Variants in SCOC observed in about 807,000 individuals in gnomAD.
The protein encoded by SCOC is short coiled-coil protein.
SCOC carries 7 observed loss-of-function variants against 9.9 expected under a neutral mutation model. The ratio of observed to expected loss-of-function variants is 0.71; its 90% CI spans 0.40 to 1.33. The LOEUF is 1.33. Ranked by LOEUF, SCOC falls within the 40% of genes most tolerant of loss-of-function variation. The probability of loss-of-function intolerance (pLI) is 0.01; values close to 1 mark genes in which losing one functional copy is unlikely to be tolerated. For missense variants in SCOC, 66 were observed against 89.7 expected, an observed-to-expected ratio of 0.74 and a Z score of 1.07; for synonymous variants, 19 against 28.2, an observed-to-expected ratio of 0.67 and a Z score of 1.03.
intron 1 of SCOC, among the ~76,000 whole-genome samples, chr4:140,375,918 C>T (rs543413697): frequency 5.3e-5 from 8 of 152,286 alleles, no homozygotes; most frequent in Non-Finnish European, 1.0e-4. Flanking sequence ...GCCCCAAATT[C>T]ATTTCAGTGT....
chr4:140,374,184 G>A (rs1728219928), intron 1 of SCOC: 1 of 457,776 alleles, frequency 2.2e-6, no homozygotes, highest in Non-Finnish European at 4.4e-6. Context: ...GTAAAATAAG[G>A]ATTGGACCAT....
chr4:140,325,618 A>G (rs1031392602), intron 1 of SCOC, among the ~76,000 whole-genome samples: 2 of 152,170 alleles, frequency 1.3e-5, no homozygotes, highest in Non-Finnish European at 2.9e-5. Flanking sequence ...AAAAATGTAA[A>G]TGAAAACCAT....
At chr4:140,265,394 G>C (rs1438191517) in intron 1 of SCOC, among the ~76,000 whole-genome samples, 1 of 152,128 alleles carries the variant, frequency 6.6e-6, no homozygotes. Context: ...TGTATCTTCT[G>C]TTAAAAGAAA....
In SCOC at chr4:140,278,401, G is replaced by A. The variant is rs141066400; in HGVS notation, c.-19+20991G>A. Among the ~76,000 whole-genome samples, 184 of 152,046 alleles carry A rather than the reference G, an allele frequency of 1.2e-3. 1 individual carries two copies. The East Asian group carries it at 0.026, about 22-fold the overall frequency. On this transcript the variant is annotated intron_variant, in intron 1 of 4. Coordinates refer to the SCOC transcript ENST00000394205. ...TGCGAGCTCGGCCTCCTGGGTTCAC[G>A]CCATTCTCCTGCCTCAGCCTCCTGA...
chr4:140,307,154 G>A (rs532692898), intron 1 of SCOC, among the ~76,000 whole-genome samples: 1 of 152,288 alleles, frequency 6.6e-6, no homozygotes, highest in African/African-American at 2.4e-5. Flanking sequence ...ATCTGCTGGT[G>A]TCTTGATCTT....
At chr4:140,313,878 A>C (rs1214958273) in intron 1 of SCOC, among the ~76,000 whole-genome samples, 2 of 152,172 alleles carry the variant, frequency 1.3e-5, no homozygotes, top group African/African-American at 2.4e-5. Flanking sequence ...CTGTAATCCC[A>C]GCACTTTGGG....
intron 1 of SCOC, among the ~76,000 whole-genome samples, chr4:140,283,084 A>G (rs990440655): frequency 6.6e-6 from 1 of 152,246 alleles, no homozygotes; most frequent in Non-Finnish European, 1.5e-5. Context: ...CATTCAAGAA[A>G]CAGGTTTATA....
chr4:140,315,667 GAACCAGGGT>G (rs1432555311), intron 1 of SCOC, among the ~76,000 whole-genome samples: 8 of 152,172 alleles, frequency 5.3e-5, no homozygotes, highest in Non-Finnish European at 8.8e-5. Context: ...CTGTCTAGTG[GAACCAGGGT>G]ATGTGTTCTG....
At chr4:140,350,116 C>G (rs1203373685) in intron 2 of SCOC, among the ~76,000 whole-genome samples, 1 of 152,180 alleles carries the variant, frequency 6.6e-6, no homozygotes. Flanking sequence ...TTCTTTTTGT[C>G]TGGTCAATTC....
intron 1 of SCOC, among the ~76,000 whole-genome samples, chr4:140,300,417 T>A (rs978246292): frequency 2.6e-5 from 4 of 152,150 alleles, no homozygotes; most frequent in Admixed American, 2.6e-4. Flanking sequence ...GCAATAGCAG[T>A]CACAGCTAGG....
At chr4:140,342,303 C>T (rs1241475737), upstream of SCOC, among the ~76,000 whole-genome samples, 1 of 152,154 alleles carries the variant, frequency 6.6e-6, no homozygotes, top group African/African-American at 2.4e-5. Context: ...TCAAATGTCC[C>T]CTTCTCTAAG....
upstream of SCOC, chr4:140,373,396 T>G: frequency 6.8e-7 from 1 of 1,472,896 alleles, no homozygotes; most frequent in Non-Finnish European, 9.0e-7. Flanking sequence ...TAGCTTCGCT[T>G]CTTTACTGTC....
rs1366325698 is a variant in SCOC, at chr4:140,382,679, GAAT to G, written c.*1580_*1582del. 1 of 152,428 alleles carries G rather than the reference GAAT, an allele frequency of 6.6e-6. No individual in the cohort carries two copies. The highest frequency in any genetic ancestry group is 1.5e-5 in the Non-Finnish European group (1 of 67,996). The allele number at this position is 152,428 out of a possible 1,614,324, so 9.4% of individuals were successfully genotyped here. On this transcript the variant is annotated 3_prime_UTR_variant, in exon 4 of 4. Coordinates refer to ENST00000608372, the MANE Select transcript of SCOC (RefSeq NM_001153484.2). ...GTACCCAGTTACTGATTATTTAGGG[GAAT>G]AATATTTTTATTAATACAACTATAA...
chr4:140,331,896 G>T (rs866381433), intron 1 of SCOC, among the ~76,000 whole-genome samples: 23 of 152,290 alleles, frequency 1.5e-4, no homozygotes, highest in Middle Eastern at 6.8e-3. Flanking sequence ...TTGGCCCACA[G>T]TTTCTCAGGT....
intron 3 of SCOC, 118 bp from the exon 4 acceptor site, chr4:140,380,844 C>A: frequency 3.9e-6 from 3 of 766,040 alleles, no homozygotes; most frequent in Non-Finnish European, 3.8e-6. Flanking sequence ...CTCTAAAATC[C>A]GAATTCTTAA....
intron 1 of SCOC, among the ~76,000 whole-genome samples, chr4:140,289,248 C>T (rs1057490791): frequency 4.6e-5 from 7 of 152,228 alleles, no homozygotes; most frequent in Non-Finnish European, 7.3e-5. Flanking sequence ...ACTTTTCCCA[C>T]TGGGACACAA....
chr4:140,346,650 C>T (rs780998541), intron 2 of SCOC, among the ~76,000 whole-genome samples: 1 of 152,150 alleles, frequency 6.6e-6, no homozygotes, highest in African/African-American at 2.4e-5. Context: ...GCAGTGAGAA[C>T]GGGCAATGCC....
intron 1 of SCOC, among the ~76,000 whole-genome samples, chr4:140,310,357 G>A (rs1271936001): frequency 6.6e-6 from 1 of 152,194 alleles, no homozygotes; most frequent in Non-Finnish European, 1.5e-5. Context: ...CTCCTGGATA[G>A]CACTCTTCTT....
At chr4:140,373,455 T>C, upstream of SCOC, 2 of 1,544,462 alleles carry the variant, frequency 1.3e-6, no homozygotes, top group Non-Finnish European at 1.7e-6. Context: ...TCAATCCTGA[T>C]TGGATGTCAG....
Sources: gnomAD v4.1 joint callset for allele counts (sites outside exome capture counted in the v4.1 genomes callset) on GRCh38, gnomAD v4.1.1 for gene constraint, MANE v1.5 for transcripts, NCBI Gene and HGNC (gene_info 2026-07-23, HGNC 2026-07-21) for gene names.